The following DNAH17 variants were observed in gnomAD, a reference collection of about 807,000 sequenced individuals.
The protein encoded by DNAH17 is dynein axonemal heavy chain 17.
DNAH17 carries 376 observed loss-of-function variants against 485.6 expected under a neutral mutation model. The ratio of observed to expected loss-of-function variants is 0.77; its 90% CI spans 0.71 to 0.84. The LOEUF (loss-of-function observed/expected upper bound fraction) is 0.84, where lower values mean the gene tolerates loss of function less well. Among genes scored for constraint, DNAH17 ranks in the 40% least tolerant of loss-of-function variants. DNAH17 has a pLI of 0.00. For synonymous variants in DNAH17, 3,031 were observed against 2,405.9 expected (o/e 1.26, Z -7.60); for missense variants, 6,370 against 5,839.3 (o/e 1.09, Z -2.96).
In DNAH17 at chr17:78,425,970, C is replaced by T. The variant is rs566395836; in HGVS notation, c.12916-399G>A. 2.7e-4 allele frequency among the ~76,000 whole-genome samples: 41 copies of T among 152,150 alleles called. 1 individual carries two copies. Among genetic ancestry groups the T allele is most frequent in the African/African-American group, 9.6e-4 (40 of 41,486 alleles). ...TAGAGATGGGGTTTCGCCATGTTGGCCAGGCTGGTCTCGAACTCCTGGCTT... is the reference window on the plus strand; with the variant it reads ...TAGAGATGGGGTTTCGCCATGTTGGTCAGGCTGGTCTCGAACTCCTGGCTT... On this transcript the variant is annotated intron_variant, in intron 79 of 80. Coordinates refer to ENST00000389840, the MANE Select transcript of DNAH17 (RefSeq NM_173628.4).
chr17:78,540,684 G>A (rs1336398253), intron 17 of DNAH17, among the ~76,000 whole-genome samples: 1 of 56,374 alleles, frequency 1.8e-5, no homozygotes, highest in East Asian at 4.7e-4. Flanking sequence ...ATGGACAGAT[G>A]GATGGGTGGA....
Position 78,495,973 on chromosome 17 carries a change from C to T in DNAH17, c.5805G>A (p.Glu1935=). The change falls in exon 38 of 81, where the codon GAG becomes GAA. Residue 1935 remains glutamate (E), a synonymous_variant. Coordinates refer to ENST00000389840, the MANE Select transcript of DNAH17 (RefSeq NM_173628.4). ...CGACGGTGGGAATGAGGCCTATGAT[C>T]TCTCCCAGGAAATTGAATGCTTTTT... ...AKKKAFNFLG[E]IIGLIPTVGI... 6.2e-7 allele frequency: 1 copy of T among 1,613,928 alleles called. No individual in the cohort carries two copies. The highest frequency in any genetic ancestry group is 8.5e-7 in the Non-Finnish European group (1 of 1,179,856).
At chr17:78,440,405 C>T (rs916046955) in intron 72 of DNAH17, among the ~76,000 whole-genome samples, 6 of 151,858 alleles carry the variant, frequency 4.0e-5, no homozygotes, top group African/African-American at 1.5e-4. Flanking sequence ...TACAGGCGTA[C>T]ACCACCATAC....
intron 11 of DNAH17, among the ~76,000 whole-genome samples, chr17:78,565,451 G>A (rs766896957): frequency 1.3e-5 from 2 of 152,322 alleles, no homozygotes; most frequent in Non-Finnish European, 2.9e-5. Flanking sequence ...ACATCCTGAC[G>A]TTTGTCGGGG....
At chr17:78,548,202 CTT>C (rs34701814) in intron 16 of DNAH17, among the ~76,000 whole-genome samples, 13 of 80,118 alleles carry the variant, frequency 1.6e-4, no homozygotes, top group East Asian at 7.9e-4. Context: ...ATGTCATGGC[CTT>C]TTTTTTTTTT....
At chr17:78,427,593 G>C (rs72914899) in intron 77 of DNAH17, among the ~76,000 whole-genome samples, 23,758 of 152,218 alleles carry the variant, frequency 0.16, 1,978 homozygotes, top group Middle Eastern at 0.2. Context: ...GACCTAATAG[G>C]AATAAGGGTC....
chr17:78,432,859 C>G (rs2146431311), intron 75 of DNAH17, among the ~76,000 whole-genome samples: 1 of 145,462 alleles, frequency 6.9e-6, no homozygotes. Flanking sequence ...CAGTGACTTG[C>G]TGGAGGTCTC....
intron 69 of DNAH17, among the ~76,000 whole-genome samples, chr17:78,445,882 C>T (rs909744662): frequency 6.6e-6 from 1 of 152,060 alleles, no homozygotes; most frequent in African/African-American, 2.4e-5. Context: ...TAAAATTGAC[C>T]ATTTTGGCCG....
chr17:78,553,283 G>GTTTTTTTTTTTTTTTTTTTTTTTT (rs60587420), intron 14 of DNAH17, among the ~76,000 whole-genome samples: 1 of 51,018 alleles, frequency 2.0e-5, no homozygotes, highest in Non-Finnish European at 3.5e-5. Context: ...AGGTTTTTGT[G>GTTTTTTTTTTTTTTTTTTTTTTTT]TTTTTTTTTT....
At chr17:78,439,029 C>T (rs2086965338) in intron 73 of DNAH17, 61 bp downstream of exon 73, 1 of 1,574,940 alleles carries the variant, frequency 6.3e-7, no homozygotes, top group Non-Finnish European at 8.6e-7. Flanking sequence ...CCTTCTGGCC[C>T]ATCCCCATTG....
chr17:78,563,310 T>TCC (rs1430491378), intron 11 of DNAH17, among the ~76,000 whole-genome samples: 2 of 152,134 alleles, frequency 1.3e-5, no homozygotes, highest in African/African-American at 4.8e-5. Context: ...AACGCTGGTG[T>TCC]CCTGCCAGCT....
At chr17:78,424,330 G>T in intron 80 of DNAH17, 177 bp from the exon 81 acceptor site, 1 of 710,266 alleles carries the variant, frequency 1.4e-6, no homozygotes, top group Non-Finnish European at 2.2e-6. Context: ...TGGCCTGCAT[G>T]TTGTAACTAC....
At chr17:78,437,498 C>T (rs946550135) in intron 74 of DNAH17, 143 bp downstream of exon 74, 34 of 569,726 alleles carry the variant, frequency 6.0e-5, no homozygotes, top group Non-Finnish European at 4.0e-5. Context: ...ATTTTGACTG[C>T]GAGGGGTGTG....
At chr17:78,559,870 C>T (rs1368842705) in intron 13 of DNAH17, among the ~76,000 whole-genome samples, 1 of 152,132 alleles carries the variant, frequency 6.6e-6, no homozygotes, top group Admixed American at 6.5e-5. Flanking sequence ...CTCTCGGGCG[C>T]CACCTGGCCT....
rs1486395027 is a variant in DNAH17, at chr17:78,502,898, G to C, written c.5070C>G (p.Asp1690Glu). The C allele has an allele frequency of 6.2e-7, 1 of 1,613,984 alleles. No homozygotes were observed. ...EEKPREQWILDYPAQVALTCT... is the reference protein window; with the variant it reads ...EEKPREQWILEYPAQVALTCT... Reference sequence around the variant, plus strand: ...ACCCGCCTCAGACCTGGGCTGGGTAGTCCAGGATCCACTGCTCCCTCGGCT... The same window carrying C: ...ACCCGCCTCAGACCTGGGCTGGGTACTCCAGGATCCACTGCTCCCTCGGCT... The change falls in exon 32 of 81, where the codon GAC (aspartate) becomes GAG (glutamate). Residue 1690 changes from aspartate (D) to glutamate (E), a missense_variant. By Grantham distance (45) the Asp-to-Glu change is conservative (BLOSUM62 2). Coordinates refer to ENST00000389840, the MANE Select transcript of DNAH17 (RefSeq NM_173628.4).
intron 25 of DNAH17, chr17:78,522,297 T>G (rs1347277931): frequency 3.9e-6 from 1 of 253,534 alleles, no homozygotes; most frequent in African/African-American, 2.4e-5. Context: ...CCACTGAGAA[T>G]GCAGACAAGT....
intron 62 of DNAH17, among the ~76,000 whole-genome samples, chr17:78,456,567 C>T (rs1306489356): frequency 6.6e-6 from 1 of 152,194 alleles, no homozygotes; most frequent in Non-Finnish European, 1.5e-5. Context: ...AGGCACCTGG[C>T]CCTGCATGGA....
intron 26 of DNAH17, 108 bp from the exon 27 acceptor site, chr17:78,510,614 C>T (rs1294384783): frequency 2.7e-6 from 4 of 1,478,908 alleles, no homozygotes; most frequent in Admixed American, 1.8e-5. Flanking sequence ...CGATCCCGGG[C>T]TGCTGGAGGG....
chr17:78,462,759 G>GCC (rs1164117096), intron 57 of DNAH17, 85 bp downstream of exon 57: 2 of 1,365,412 alleles, frequency 1.5e-6, no homozygotes, highest in African/African-American at 2.8e-5. Context: ...AGTGTGACCA[G>GCC]CCCGTGGATG....
Sources: allele counts gnomAD v4.1 joint callset (sites outside exome capture counted in the v4.1 genomes callset), GRCh38; gene constraint gnomAD v4.1.1; transcripts MANE v1.5; gene names NCBI Gene and HGNC (gene_info 2026-07-23, HGNC 2026-07-21).